Variants in ME1 observed in about 807,000 individuals in gnomAD.
ME1 encodes malic enzyme 1.
In ME1, 74 loss-of-function variants were observed where a neutral mutation model predicts 66.4. That is an observed-to-expected ratio of 1.11 (90% CI 0.92 to 1.35). ME1 has a LOEUF of 1.35. ME1 is among the 40% of genes most tolerant of loss of function. The pLI is 0.00. For synonymous variants in ME1, 251 were observed against 235.6 expected, an observed-to-expected ratio of 1.07 and a Z score of -0.60; for missense variants, 750 against 694.1, an observed-to-expected ratio of 1.08 and a Z score of -0.90.
chr6:83,316,821 A>G (rs1047618643), intron 5 of ME1, among the ~76,000 whole-genome samples: 2 of 152,128 alleles, frequency 1.3e-5, no homozygotes, highest in African/African-American at 4.8e-5. Context: ...CTCCATTTAT[A>G]ATACCAGCCC....
chr6:83,360,994 CT>C (rs574663501), intron 3 of ME1, among the ~76,000 whole-genome samples: 97 of 152,342 alleles, frequency 6.4e-4, no homozygotes, highest in African/African-American at 2.1e-3. Flanking sequence ...AGCAATATGC[CT>C]TTACTGTTCT....
intron 9 of ME1, among the ~76,000 whole-genome samples, chr6:83,234,759 C>A (rs1055668963): frequency 7.7e-6 from 1 of 130,652 alleles, no homozygotes; most frequent in Non-Finnish European, 1.7e-5. Flanking sequence ...GAGAGGCAAA[C>A]CCCCCTGCAC....
chr6:83,252,255 CTGT>C (rs1007272945), intron 7 of ME1, among the ~76,000 whole-genome samples: 43 of 151,612 alleles, frequency 2.8e-4, no homozygotes, highest in Non-Finnish European at 3.7e-4. Flanking sequence ...AGCAGGAGTT[CTGT>C]TGTTGTTGTT....
intron 6 of ME1, among the ~76,000 whole-genome samples, chr6:83,269,892 C>T (rs1013317): frequency 0.19 from 28,697 of 152,030 alleles, 3,277 homozygotes; most frequent in Middle Eastern, 0.36. Context: ...TAAAAGTCTT[C>T]ATTAACTTCT....
At chr6:83,236,927 AGTGGTTC>A (rs1181468064) in intron 9 of ME1, among the ~76,000 whole-genome samples, 1 of 152,078 alleles carries the variant, frequency 6.6e-6, no homozygotes, top group Non-Finnish European at 1.5e-5. Context: ...GGCCAAGTGC[AGTGGTTC>A]ATGCCTGTAA....
intron 7 of ME1, among the ~76,000 whole-genome samples, chr6:83,248,608 G>A (rs959385015): frequency 1.3e-5 from 2 of 152,010 alleles, no homozygotes; most frequent in Admixed American, 6.6e-5. Flanking sequence ...TCATGGGGGC[G>A]GTTTTACCCA....
Position 83,239,568 on chromosome 6 carries a change from G to T in ME1, c.883C>A (p.Gln295Lys). 6.2e-7 allele frequency: 1 copy of T among 1,613,138 alleles called. No homozygotes were observed. Among genetic ancestry groups the T allele is most frequent in the Non-Finnish European group, 8.5e-7 (1 of 1,179,274 alleles). ...LRITKNKLSD[Q>K]TILFQGAGEA... The stretch of plus-strand genomic sequence containing the variant: ...CCAGCTCCTTGGAATAGTATTGTTT[G>T]ATCAGACAGTTTGTTCTTGGTTATT... The change falls in exon 8 of 14, where the codon CAA becomes AAA. Residue 295 changes from glutamine (Q) to lysine (K), a missense_variant. Gln to Lys is a moderately conservative substitution (Grantham distance 53). Transcript: ENST00000369705.
At chr6:83,382,715 G>C (rs998338816) in intron 3 of ME1, among the ~76,000 whole-genome samples, 4 of 151,978 alleles carry the variant, frequency 2.6e-5, no homozygotes, top group African/African-American at 9.7e-5. Flanking sequence ...AAAGGTCCAA[G>C]GAGCTACATG....
At chr6:83,323,996 C>T (rs1342921262) in intron 5 of ME1, among the ~76,000 whole-genome samples, 1 of 152,094 alleles carries the variant, frequency 6.6e-6, no homozygotes, top group Non-Finnish European at 1.5e-5. Flanking sequence ...ACTCTCAGAC[C>T]ACAGTGCAAT....
chr6:83,354,494 C>A (rs1169718347), intron 3 of ME1, among the ~76,000 whole-genome samples: 1 of 152,078 alleles, frequency 6.6e-6, no homozygotes, highest in Non-Finnish European at 1.5e-5. Flanking sequence ...TCACTCTAGA[C>A]CTCTCCTTGA....
intron 4 of ME1, among the ~76,000 whole-genome samples, chr6:83,350,460 T>G (rs1483630610): frequency 2.6e-5 from 4 of 152,160 alleles, no homozygotes; most frequent in African/African-American, 9.7e-5. Context: ...GACTTGTTAA[T>G]TCTTGTTTGT....
At chr6:83,388,277 G>A (rs1281622493) in intron 3 of ME1, among the ~76,000 whole-genome samples, 2 of 151,874 alleles carry the variant, frequency 1.3e-5, no homozygotes, top group African/African-American at 2.4e-5. Flanking sequence ...GTAAAGACGG[G>A]GTTTCACCAT....
At chr6:83,341,041 T>A (rs780296939) in intron 5 of ME1, among the ~76,000 whole-genome samples, 2 of 152,038 alleles carry the variant, frequency 1.3e-5, no homozygotes, top group Non-Finnish European at 2.9e-5. Flanking sequence ...ACGCTGGCCA[T>A]GCCAGAAAGA....
At chr6:83,350,680 C>T (rs1037912979) in intron 4 of ME1, among the ~76,000 whole-genome samples, 1 of 151,930 alleles carries the variant, frequency 6.6e-6, no homozygotes, top group Admixed American at 6.6e-5. Flanking sequence ...AATGGAGTCT[C>T]ACTATGTTGC....
At chr6:83,232,518 T>A (rs1417651398) in intron 9 of ME1, among the ~76,000 whole-genome samples, 5 of 152,234 alleles carry the variant, frequency 3.3e-5, no homozygotes, top group African/African-American at 1.2e-4. Flanking sequence ...GACTCATGCA[T>A]ATAATCTTTG....
rs113133091 is a variant in ME1 at position 83,385,242 on chromosome 6, T to G, written c.362+13125A>C. ...AGGATGCAAAGTGATATAAGAACTA[T>G]GCCTCCTTTTTAAAAATTCTTTATT... On this transcript the variant is annotated intron_variant, in intron 3 of 13. Transcript: ENST00000369705. Among the ~76,000 whole-genome samples, 1,167 of 152,044 alleles carry G rather than the reference T, an allele frequency of 7.7e-3. 34 individuals are homozygous for G. The highest frequency in any genetic ancestry group is 0.06 in the East Asian group (312 of 5,176).
chr6:83,249,575 A>C (rs1790686792), intron 7 of ME1, among the ~76,000 whole-genome samples: 1 of 152,170 alleles, frequency 6.6e-6, no homozygotes. Flanking sequence ...TATTTCTACA[A>C]ATAATTATTT....
Position 83,244,544 on chromosome 6 carries a change from GTGGTGGGTGA to G in ME1, c.815-4918_815-4909del, listed in dbSNP as rs1480130365. On this transcript the variant is annotated intron_variant, in intron 7 of 13. Transcript: ENST00000369705. ...TTAAAGATTTTAAATTCAGAGAATA[GTGGTGGGTGA>G]TGGTTTTGAGAAATTTGAGGCTGGG... 2.0e-5 allele frequency among the ~76,000 whole-genome samples: 3 copies of G among 152,202 alleles called. No homozygotes were observed. The South Asian group carries it at 6.2e-4, about 32-fold the overall frequency.
intron 6 of ME1, among the ~76,000 whole-genome samples, chr6:83,275,466 T>TG (rs1562466469): frequency 4.0e-5 from 5 of 124,160 alleles, no homozygotes; most frequent in African/African-American, 1.8e-4. Context: ...GTTTTGATCT[T>TG]TTTTTTTTTT....
Sources: gnomAD v4.1 joint callset for allele counts (sites outside exome capture counted in the v4.1 genomes callset) on GRCh38, gnomAD v4.1.1 for gene constraint, MANE v1.5 for transcripts, NCBI Gene and HGNC (gene_info 2026-07-23, HGNC 2026-07-21) for gene names.